Variants in CSF1R observed in about 807,000 individuals in gnomAD.
CSF1R encodes the protein macrophage colony-stimulating factor 1 receptor.
CSF1R carries 40 observed loss-of-function variants against 110.0 expected under a neutral mutation model. The observed-to-expected ratio is 0.36, with a 90% CI of 0.28 to 0.47. The LOEUF (loss-of-function observed/expected upper bound fraction) is 0.47, where lower values mean the gene tolerates loss of function less well. Among genes scored for constraint, CSF1R ranks in the 20% least tolerant of loss-of-function variants. The pLI is 0.99. For synonymous variants in CSF1R, 523 were observed against 503.4 expected, an observed-to-expected ratio of 1.04 and a Z score of -0.52; for missense variants, 1,052 against 1,253.0, an observed-to-expected ratio of 0.84 and a Z score of 2.42.
chr5:150,074,763 A>C (rs919308294), intron 5 of CSF1R, among the ~76,000 whole-genome samples: 1 of 152,122 alleles, frequency 6.6e-6, no homozygotes, highest in Non-Finnish European at 1.5e-5. Flanking sequence ...CATTGCCTCC[A>C]TTATTCAGCG....
intron 5 of CSF1R, among the ~76,000 whole-genome samples, chr5:150,075,082 C>T (rs1455365497): frequency 6.6e-6 from 1 of 152,188 alleles, no homozygotes; most frequent in Non-Finnish European, 1.5e-5. Context: ...CCCTTCCAGA[C>T]TACACACTCA....
At chr5:150,079,962 C>T (rs1758450895) in intron 3 of CSF1R, 90 bp downstream of exon 3, 1 of 1,473,926 alleles carries the variant, frequency 6.8e-7, no homozygotes, top group Non-Finnish European at 9.2e-7. Context: ...TGCCCCCCAT[C>T]ACACCCAGTC....
rs113674651 is a variant in CSF1R at position 150,069,121 on chromosome 5, C to T, written c.1510+752G>A. ...CTCCAGCAGTGAGGCCCAGCGCGGC[C>T]GCAGGCTCCTGCTTGCAGCTGGACC... On this transcript the variant is annotated intron_variant, in intron 9 of 20. Transcript: ENST00000675795. 3.9e-3 allele frequency among the ~76,000 whole-genome samples: 600 copies of T among 152,288 alleles called. 5 individuals carry two copies. The highest frequency in any genetic ancestry group is 0.014 in the African/African-American group (573 of 41,558).
At chr5:150,070,688 G>A in intron 6 of CSF1R, 117 bp from the exon 7 acceptor site, 1 of 691,212 alleles carries the variant, frequency 1.4e-6, no homozygotes, top group South Asian at 3.3e-5. Context: ...AATATTCAGG[G>A]CCCAACGGCC....
rs1009882398 is a variant in CSF1R, at chr5:150,076,880, A to C, written c.889+396T>G. The C allele has an allele frequency of 4.1e-5, 10 of 246,910 alleles. No homozygotes were observed. In the East Asian group the frequency reaches 5.9e-4, roughly 15 times the overall value. 15.3% of individuals were successfully genotyped at this position (246,910 alleles called of 1,614,324 possible). A position where few individuals can be genotyped will look rare whatever the true frequency, so the allele number is the denominator to read the frequency against. On this transcript the variant is annotated intron_variant, in intron 5 of 20. Transcript: ENST00000675795. ...CCTTCTCGAAGCCTGGGTTGGGGGG[A>C]CTCTTCAGTGTTCCCAGGACACCTT...
chr5:150,108,562 G>A (rs1010935313), intron 1 of CSF1R, among the ~76,000 whole-genome samples: 8 of 152,196 alleles, frequency 5.3e-5, no homozygotes, highest in Non-Finnish European at 8.8e-5. Flanking sequence ...TATGCTTCAG[G>A]AAGATCAAGA....
chr5:150,057,427 C>G, intron 15 of CSF1R, 43 bp from the exon 16 acceptor site: 1 of 1,610,994 alleles, frequency 6.2e-7, no homozygotes. Flanking sequence ...CCACACTCCC[C>G]ACCCCTCACC....
chr5:150,054,255 T>G (rs773684461), intron 20 of CSF1R, 31 bp from the exon 21 acceptor site: 1 of 1,613,342 alleles, frequency 6.2e-7, no homozygotes, highest in South Asian at 1.1e-5. Flanking sequence ...AAACTGTCAG[T>G]CCAGATCCAT....
chr5:150,059,067 G>A (rs1040001652), intron 14 of CSF1R, among the ~76,000 whole-genome samples: 11 of 151,810 alleles, frequency 7.2e-5, no homozygotes, highest in African/African-American at 2.4e-4. Context: ...TTTTTGAGAC[G>A]GAGTTTCATT....
intron 1 of CSF1R, among the ~76,000 whole-genome samples, chr5:150,107,175 G>C (rs1161528320): frequency 6.6e-6 from 1 of 152,264 alleles, no homozygotes; most frequent in African/African-American, 2.4e-5. Context: ...AATGCTTCAT[G>C]TGTCAGGCCT....
rs543863520 is a variant in CSF1R at position 150,094,755 on chromosome 5, G to A, written c.-180-8148C>T. Reference sequence around the variant, plus strand: ...GTACCCCAATCTGAAGTCAGTAAATGAACTAATCTACAAGCGTGGTTATGG... The same window carrying A: ...GTACCCCAATCTGAAGTCAGTAAATAAACTAATCTACAAGCGTGGTTATGG... On this transcript the variant is annotated intron_variant, in intron 1 of 21. Transcript: ENST00000286301. 27 of 1,601,544 alleles carry A rather than the reference G, an allele frequency of 1.7e-5. No individual in the cohort carries two copies. In the African/African-American group the frequency reaches 3.2e-4, roughly 19 times the overall value.
chr5:150,087,012 C>A (rs1478263966), upstream of CSF1R, among the ~76,000 whole-genome samples: 2 of 152,194 alleles, frequency 1.3e-5, no homozygotes, highest in African/African-American at 4.8e-5. Flanking sequence ...CAGTTTCACT[C>A]TGTTGCCCAG....
intron 6 of CSF1R, among the ~76,000 whole-genome samples, chr5:150,072,217 G>C (rs1341427615): frequency 6.6e-6 from 1 of 152,204 alleles, no homozygotes; most frequent in East Asian, 1.9e-4. Flanking sequence ...TTTCAGGCCA[G>C]GCACGATGGC....
At chr5:150,054,752 T>G (rs1561902484) in intron 19 of CSF1R, 1 of 298,094 alleles carries the variant, frequency 3.4e-6, no homozygotes, top group African/African-American at 2.2e-5. Flanking sequence ...TTTGGGAGGT[T>G]GATGCAGGAG....
rs138239430 is a variant in CSF1R at position 150,053,870 on chromosome 5, T to C, written c.*199A>G. On this transcript the variant is annotated 3_prime_UTR_variant, in exon 21 of 21. Transcript: ENST00000675795. ...GAGGGCTCAGCCCCCAGCCCCTGAC[T>C]GGCAGTGATGGCCCATGCTCAGGAA... The C allele has an allele frequency of 5.9e-4, 365 of 615,390 alleles. 2 individuals carry two copies. In the East Asian group the frequency reaches 0.01, roughly 17 times the overall value. The allele number at this position is 615,390 out of a possible 1,614,324, so 38.1% of individuals were successfully genotyped here.
intron 1 of CSF1R, among the ~76,000 whole-genome samples, 173 bp downstream of exon 1, chr5:150,086,206 T>A (rs924517546): frequency 6.6e-6 from 1 of 151,926 alleles, no homozygotes; most frequent in African/African-American, 2.4e-5. Context: ...ACCACACCCA[T>A]CTCTTTTCAC....
At chr5:150,101,791 G>T (rs1285079024) in intron 1 of CSF1R, among the ~76,000 whole-genome samples, 2 of 151,416 alleles carry the variant, frequency 1.3e-5, no homozygotes, top group African/African-American at 4.9e-5. Context: ...CGCCTCAACT[G>T]CTTGTAAGAG....
At chr5:150,071,694 A>AG (rs1399872027) in intron 6 of CSF1R, among the ~76,000 whole-genome samples, 1 of 152,118 alleles carries the variant, frequency 6.6e-6, no homozygotes, top group East Asian at 1.9e-4. Context: ...ACTGTGTTTT[A>AG]GGGGATCTCG....
intron 11 of CSF1R, 55 bp from the exon 12 acceptor site, chr5:150,061,650 G>C: frequency 6.2e-7 from 1 of 1,614,056 alleles, no homozygotes; most frequent in South Asian, 1.1e-5. Flanking sequence ...CTCTGTCCAA[G>C]GGCCCATGGG....
Sources: allele counts gnomAD v4.1 joint callset (sites outside exome capture counted in the v4.1 genomes callset), GRCh38; gene constraint gnomAD v4.1.1; transcripts MANE v1.5; gene names NCBI Gene and HGNC (gene_info 2026-07-23, HGNC 2026-07-21).